ARAP1: variants seen among roughly 807,000 people sequenced by gnomAD.
ARAP1 encodes arf-GAP with Rho-GAP domain, ANK repeat and PH domain-containing protein 1.
ARAP1 carries 76 observed loss-of-function variants against 172.2 expected under a neutral mutation model. That is an observed-to-expected ratio of 0.44 (90% CI 0.37 to 0.53). ARAP1 has a LOEUF of 0.53. ARAP1 is among the 20% of genes least tolerant of loss of function. The pLI is 0.00. For synonymous variants in ARAP1, 804 were observed against 803.3 expected (o/e 1.00, Z -0.01); for missense variants, 1,686 against 1,977.5 (o/e 0.85, Z 2.80).
chr11:72,718,044 C>G (rs1438743401), intron 3 of ARAP1, among the ~76,000 whole-genome samples: 1 of 152,176 alleles, frequency 6.6e-6, no homozygotes, highest in Non-Finnish European at 1.5e-5. Context: ...CCCAGCAGAG[C>G]TTCCACAGGG....
chr11:72,693,223 C>A lies in ARAP1; in HGVS notation c.3954+102G>T. The A allele has an allele frequency of 6.7e-7, 1 of 1,493,158 alleles. No homozygotes were observed. Among genetic ancestry groups the A allele is most frequent in the Non-Finnish European group, 9.1e-7 (1 of 1,102,636 alleles). The allele number at this position is 1,493,158 out of a possible 1,614,324, so 92.5% of individuals were successfully genotyped here. ...CCCCACTGCTGTGCCATCCTGAGAGCCTGTAACGGGAATATTTCCACTTGC... is the reference window on the plus strand; with the variant it reads ...CCCCACTGCTGTGCCATCCTGAGAGACTGTAACGGGAATATTTCCACTTGC... On this transcript the variant is annotated intron_variant, in intron 29 of 34. Transcript: ENST00000393609. The surrounding 1 kb of genome is among the most constrained non-coding windows in gnomAD (Gnocchi z 4.6).
chr11:72,702,222 GT>G (rs2135518380), intron 15 of ARAP1, among the ~76,000 whole-genome samples: 1 of 152,344 alleles, frequency 6.6e-6, no homozygotes, highest in South Asian at 2.1e-4. Context: ...GCGGTGATCT[GT>G]CCCCAAGCCC....
In ARAP1 at chr11:72,712,198, C is replaced by T. The variant is rs538542042; in HGVS notation, c.1020G>A (p.Gln340=). 13 of 1,600,510 alleles carry T rather than the reference C, an allele frequency of 8.1e-6. No homozygotes were observed. In the South Asian group the frequency reaches 1.4e-4, roughly 18 times the overall value. ...AGGACCCAAGAGGCCTCACTCACCC[C>T]TGCGGTGGGTTCTTGTCCAGCCAGC... The part of the protein sequence containing the change: ...KAGWLDKNPP[Q]GSYIYQKRWV... The change falls in exon 7 of 35, where the codon CAG becomes CAA. Residue 340 remains glutamine, a splice_region_variant and synonymous_variant. Transcript: ENST00000393609.
chr11:72,729,387 T>C (rs1857790569), intron 2 of ARAP1, among the ~76,000 whole-genome samples: 1 of 152,006 alleles, frequency 6.6e-6, no homozygotes, highest in Non-Finnish European at 1.5e-5. Context: ...AGGTCAGGAG[T>C]TTGAGACCAG....
intron 2 of ARAP1, among the ~76,000 whole-genome samples, chr11:72,729,923 TAA>T (rs11287535): frequency 3.2e-3 from 432 of 134,570 alleles, no homozygotes; most frequent in Admixed American, 5.1e-3. Context: ...AGACTGTCTC[TAA>T]AAAAAAAAAA....
At chr11:72,728,772 C>A (rs1857772896) in intron 2 of ARAP1, among the ~76,000 whole-genome samples, 1 of 152,086 alleles carries the variant, frequency 6.6e-6, no homozygotes, top group Non-Finnish European at 1.5e-5. Flanking sequence ...GGGAGTGTTA[C>A]TGAGGGACAA....
At chr11:72,721,971 C>T in intron 3 of ARAP1, 1 of 986,338 alleles carries the variant, frequency 1.0e-6, no homozygotes, top group Middle Eastern at 5.2e-4. Flanking sequence ...GGGCTGGTCT[C>T]GCAAACAGCC....
rs1337840689 is a variant in ARAP1 at position 72,713,203 on chromosome 11, C to T, written c.720G>A (p.Gly240=). The part of the protein sequence containing the change: ...DYDEVPEEGP[G]APARVMTKKE... ...TCTTGGTCATCACTCTGGCTGGGGC[C>T]CCCGGCCCCTCCTCTGGGACCTCAT... Residue 240 remains glycine (G), a synonymous_variant, in exon 5 of 35, where the codon GGG becomes GGA. Coordinates refer to ENST00000393609, the MANE Select transcript of ARAP1 (RefSeq NM_001040118.3). The T allele has an allele frequency of 6.2e-7, 1 of 1,613,546 alleles. No individual in the cohort carries two copies. Among genetic ancestry groups the T allele is most frequent in the Non-Finnish European group, 8.5e-7 (1 of 1,179,818 alleles).
Position 72,699,155 on chromosome 11 carries a change from C to A in ARAP1, c.2439-48G>T. 6.3e-7 allele frequency: 1 copy of A among 1,592,526 alleles called. No homozygotes were observed. The highest frequency in any genetic ancestry group is 8.6e-7 in the Non-Finnish European group (1 of 1,162,194). On this transcript the variant is annotated intron_variant, in intron 17 of 34. Coordinates refer to ENST00000393609, the MANE Select transcript of ARAP1 (RefSeq NM_001040118.3). This position sits in a 1 kb window ranked among gnomAD's most constrained non-coding sequence, Gnocchi z 4.2. The stretch of plus-strand genomic sequence containing the variant: ...TCAGGCCCACCTCATCCAGCACGGG[C>A]CCACCCCCAACCCGCACCATCAACC...
chr11:72,733,697 T>G (rs1338642139), intron 1 of ARAP1, among the ~76,000 whole-genome samples: 1 of 152,188 alleles, frequency 6.6e-6, no homozygotes, highest in East Asian at 1.9e-4. Flanking sequence ...GCATAATGGC[T>G]TCAGTAGGTA....
At position 72,699,331 on chromosome 11, in the gene ARAP1, C is replaced by T. The variant is rs548834464; in HGVS notation, c.2438+86G>A. On this transcript the variant is annotated intron_variant, in intron 17 of 34. Transcript: ENST00000393609. The surrounding 1 kb of genome is among the most constrained non-coding windows in gnomAD (Gnocchi z 4.2). ...GCTGTGTGACTCTGCGGAGGTCCTC[C>T]CCTTCTCTGGGTCTATTTCCCTGTC... The T allele has an allele frequency of 1.3e-6, 2 of 1,582,652 alleles. No homozygotes were observed. The highest frequency in any genetic ancestry group is 2.3e-5 in the East Asian group (1 of 44,356).
intron 1 of ARAP1, among the ~76,000 whole-genome samples, chr11:72,739,178 A>G (rs1046359195): frequency 6.6e-6 from 1 of 151,780 alleles, no homozygotes; most frequent in Non-Finnish European, 1.5e-5. Context: ...CAGCTGACCG[A>G]TCTCTGGGCC....
At chr11:72,734,325 T>G (rs992740413) in intron 1 of ARAP1, among the ~76,000 whole-genome samples, 1 of 152,222 alleles carries the variant, frequency 6.6e-6, no homozygotes, top group Non-Finnish European at 1.5e-5. Context: ...CTCGTTATGT[T>G]GCCCAGGCTG....
At position 72,697,190 on chromosome 11, in the gene ARAP1, T is replaced by G. The variant is rs2135506385; in HGVS notation, c.2959A>C (p.Thr987Pro). The change falls in exon 22 of 35, where the codon ACC becomes CCC. Residue 987 changes from threonine to proline, a missense_variant. By Grantham distance (38) the Thr-to-Pro change is conservative. Transcript: ENST00000393609. ...CACTTGCGGTAGATGCCCTCGGAGG[T>G]CAGGCCTAGGGAGGGGCGGGGCCAA... ...CVDYITQCGL[T>P]SEGIYRKCGQ... The G allele has an allele frequency of 6.2e-7, 1 of 1,600,420 alleles. No individual in the cohort carries two copies. Among genetic ancestry groups the G allele is most frequent in the Non-Finnish European group, 8.5e-7 (1 of 1,179,028 alleles).
rs375564255 is a variant in ARAP1 at position 72,716,156 on chromosome 11, G to C, written c.510-1835C>G. On this transcript the variant is annotated intron_variant, in intron 3 of 34. Transcript: ENST00000393609. Reference sequence around the variant, plus strand: ...CCACTGCACTCCAGCCTGGGGGACAGAGCAAGACTCCGTCTCAAAAAAAAA... The same window carrying C: ...CCACTGCACTCCAGCCTGGGGGACACAGCAAGACTCCGTCTCAAAAAAAAA... Among the ~76,000 whole-genome samples, 4 of 121,564 alleles carry C rather than the reference G, an allele frequency of 3.3e-5. 1 individual carries two copies. The East Asian group carries it at 7.5e-4, about 23-fold the overall frequency. The allele number at this position is 121,564 out of a possible 152,430, so 79.8% of individuals were successfully genotyped here.
At chr11:72,721,074 A>AGGCCT (rs1857487809) in intron 3 of ARAP1, among the ~76,000 whole-genome samples, 2 of 152,122 alleles carry the variant, frequency 1.3e-5, no homozygotes, top group South Asian at 4.1e-4. Context: ...GGTCCAGCCC[A>AGGCCT]GGCCTGGCCT....
chr11:72,712,702 C>T, intron 5 of ARAP1, 134 bp from the exon 6 acceptor site: 1 of 1,423,098 alleles, frequency 7.0e-7, no homozygotes, highest in South Asian at 1.2e-5. Context: ...TTTCCTCACA[C>T]TCCCCTCCCC....
At position 72,699,448 on chromosome 11, in the gene ARAP1, A is replaced by C. The variant is rs768472170; in HGVS notation, c.2407T>G (p.Cys803Gly). ...NGEIRASEIV[C>G]LAVPPPDTHG... ...GTGTCAGGAGGGGGCACTGCCAGGC[A>C]CACAATCTCGCTGGCCCGAATCTCT... Residue 803 changes from cysteine (C) to glycine (G), a missense_variant, in exon 17 of 35, where the codon TGC becomes GGC. Coordinates refer to ENST00000393609, the MANE Select transcript of ARAP1 (RefSeq NM_001040118.3). This position sits in a 1 kb window ranked among gnomAD's most constrained non-coding sequence, Gnocchi z 4.2. 2 of 1,614,140 alleles carry C rather than the reference A, an allele frequency of 1.2e-6. No homozygotes were observed. The highest frequency in any genetic ancestry group is 3.3e-5 in the Admixed American group (2 of 60,022).
intron 3 of ARAP1, among the ~76,000 whole-genome samples, chr11:72,721,625 G>T (rs1857514658): frequency 6.6e-6 from 1 of 152,128 alleles, no homozygotes; most frequent in Non-Finnish European, 1.5e-5. Context: ...AGAAAGCCCA[G>T]GGAAGAGGGA....
Sources: gnomAD v4.1 joint callset for allele counts (sites outside exome capture counted in the v4.1 genomes callset) on GRCh38, gnomAD v4.1.1 for gene constraint, Gnocchi (gnomAD v3.1) non-coding constraint, MANE v1.5 for transcripts, NCBI Gene and HGNC (gene_info 2026-07-23, HGNC 2026-07-21) for gene names.